Variants in DNAH17 observed in about 807,000 individuals in gnomAD.
The protein encoded by DNAH17 is dynein axonemal heavy chain 17.
A neutral mutation model predicts 485.6 loss-of-function variants in DNAH17; 376 were observed. The observed-to-expected ratio is 0.77, with a 90% CI of 0.71 to 0.84. The LOEUF is 0.84. DNAH17 is among the 40% of genes least tolerant of loss of function. The pLI is 0.00. For synonymous variants in DNAH17, 3,031 were observed against 2,405.9 expected (o/e 1.26, Z -7.60); for missense variants, 6,370 against 5,839.3 (o/e 1.09, Z -2.96).
chr17:78,465,669 A>G (rs2088401000), intron 56 of DNAH17, among the ~76,000 whole-genome samples: 1 of 147,256 alleles, frequency 6.8e-6, no homozygotes. Flanking sequence ...GCCCCGTCTG[A>G]GAAGTGAGGA....
chr17:78,516,415 G>A (rs565806637), intron 25 of DNAH17, among the ~76,000 whole-genome samples: 42 of 152,156 alleles, frequency 2.8e-4, no homozygotes, highest in Non-Finnish European at 5.4e-4. Context: ...GGCCGGGTGC[G>A]GCGGCTCACG....
chr17:78,527,067 TAG>T (rs1353569240), intron 22 of DNAH17, 71 bp from the exon 23 acceptor site: 28 of 1,309,306 alleles, frequency 2.1e-5, no homozygotes, highest in Non-Finnish European at 2.8e-5. Flanking sequence ...GTGAAATAAT[TAG>T]AGACTGGTAA....
chr17:78,449,683 GTT>G (rs1473205298), intron 68 of DNAH17, 99 bp from the exon 69 acceptor site: 1 of 1,290,708 alleles, frequency 7.7e-7, no homozygotes, highest in Non-Finnish European at 1.1e-6. Context: ...CCTCCAGTTT[GTT>G]TTGTTTCTTT....
chr17:78,560,702 A>T (rs1282167334), intron 13 of DNAH17, 38 bp downstream of exon 13: 2 of 1,514,532 alleles, frequency 1.3e-6, no homozygotes, highest in South Asian at 2.5e-5. Flanking sequence ...CCCCGCTCCC[A>T]AGGAGCCTTT....
intron 78 of DNAH17, 133 bp downstream of exon 78, chr17:78,426,793 T>C (rs1212813484): frequency 7.7e-7 from 1 of 1,297,674 alleles, no homozygotes; most frequent in Non-Finnish European, 1.1e-6. Context: ...GTTCTGGAAC[T>C]GCCAGAGCTC....
At chr17:78,540,196 A>C (rs2091483895) in intron 17 of DNAH17, among the ~76,000 whole-genome samples, 2 of 116,834 alleles carry the variant, frequency 1.7e-5, no homozygotes, top group South Asian at 5.9e-4. Context: ...TCAGAGGGCC[A>C]CTCAGAATTA....
At chr17:78,472,582 G>A in intron 54 of DNAH17, 1 of 349,798 alleles carries the variant, frequency 2.9e-6, no homozygotes, top group Non-Finnish European at 5.9e-6. Flanking sequence ...TGGGGTGAAG[G>A]TTTCACAGAA....
At chr17:78,495,230 C>T in intron 38 of DNAH17, 133 bp from the exon 39 acceptor site, 1 of 1,204,280 alleles carries the variant, frequency 8.3e-7, no homozygotes, top group Non-Finnish European at 1.1e-6. Flanking sequence ...AACCTTCGGT[C>T]CTGGAGCCGG....
chr17:78,554,087 G>GC (rs2091967665), intron 14 of DNAH17, among the ~76,000 whole-genome samples: 1 of 152,198 alleles, frequency 6.6e-6, no homozygotes, highest in South Asian at 2.1e-4. Flanking sequence ...GAGTCATGGT[G>GC]CCCAGCCTAA....
chr17:78,479,298 C>T (rs1018336808), intron 50 of DNAH17, among the ~76,000 whole-genome samples, 182 bp from the exon 51 acceptor site: 1 of 152,178 alleles, frequency 6.6e-6, no homozygotes, highest in Non-Finnish European at 1.5e-5. Flanking sequence ...TATAGAATTT[C>T]CTAGCCCCTA....
At chr17:78,456,385 C>T (rs928175080) in intron 62 of DNAH17, among the ~76,000 whole-genome samples, 12 of 152,014 alleles carry the variant, frequency 7.9e-5, no homozygotes, top group Non-Finnish European at 1.6e-4. Context: ...CCCAAGTCAC[C>T]CGCATTGACA....
chr17:78,544,443 T>C (rs1485097155), intron 16 of DNAH17, among the ~76,000 whole-genome samples: 2 of 150,966 alleles, frequency 1.3e-5, no homozygotes, highest in African/African-American at 4.9e-5. Flanking sequence ...CCGACAAGGG[T>C]GGGAAAGGGT....
At chr17:78,430,531 A>ATC (rs1181882688) in intron 75 of DNAH17, among the ~76,000 whole-genome samples, 22 of 152,178 alleles carry the variant, frequency 1.4e-4, no homozygotes, top group Non-Finnish European at 5.9e-5. Context: ...CAGTTGATGA[A>ATC]TCAATCATCT....
chr17:78,533,133 G>A (rs534341277), intron 19 of DNAH17: 50 of 197,510 alleles, frequency 2.5e-4, no homozygotes, highest in African/African-American at 1.2e-3. Context: ...CAAGTGTGAC[G>A]TTTGTCTGGG....
intron 21 of DNAH17, among the ~76,000 whole-genome samples, 193 bp downstream of exon 21, chr17:78,530,150 G>A (rs2091191450): frequency 6.6e-6 from 1 of 152,226 alleles, no homozygotes; most frequent in Non-Finnish European, 1.5e-5. Context: ...TTTGGAGAAG[G>A]GATAATGTTT....
chr17:78,502,311 A>ATT, intron 33 of DNAH17: 9 of 331,358 alleles, frequency 2.7e-5, no homozygotes, highest in South Asian at 1.1e-4. Context: ...AACCAAGGAC[A>ATT]TTTTTTTTTT....
Position 78,458,641 on chromosome 17 carries a change from C to G in DNAH17, c.9901G>C (p.Glu3301Gln), listed in dbSNP as rs747036964. ...TTGATTTTCTCAGCTGTTGCTTTTT[C>G]AAACGCTGAGGTTAGGTTGCTCAGG... ...ANLSNLTSAF[E>Q]KATAEKIKCQ... The change falls in exon 62 of 81, where the codon GAA becomes CAA. Residue 3301 changes from glutamate (E) to glutamine (Q), a missense_variant. Physicochemically the swap from Glu to Gln is conservative, Grantham distance 29. Transcript: ENST00000389840. 4 of 1,613,916 alleles carry G rather than the reference C, an allele frequency of 2.5e-6. No individual in the cohort carries two copies. The Admixed American group carries it at 5.0e-5, about 20-fold the overall frequency.
At chr17:78,428,354 C>T in intron 77 of DNAH17, 171 bp downstream of exon 77, 1 of 777,830 alleles carries the variant, frequency 1.3e-6, no homozygotes, top group Non-Finnish European at 2.1e-6. Flanking sequence ...TGAGGACCTG[C>T]TGACCAGCCT....
In DNAH17 at chr17:78,456,603, G is replaced by A. The variant is rs2087814068; in HGVS notation, c.9978-767C>T. ...ATGGGGACTCCACGATGCGCCTCGTGCTTCTCGGGCCACCATCTTGAGGAC... is the reference window on the plus strand; with the variant it reads ...ATGGGGACTCCACGATGCGCCTCGTACTTCTCGGGCCACCATCTTGAGGAC... On this transcript the variant is annotated intron_variant, in intron 62 of 80. Coordinates refer to ENST00000389840, the MANE Select transcript of DNAH17 (RefSeq NM_173628.4). 2.0e-5 allele frequency among the ~76,000 whole-genome samples: 3 copies of A among 152,218 alleles called. No individual in the cohort carries two copies. The South Asian group carries it at 6.2e-4, about 32-fold the overall frequency.
Sources: allele counts gnomAD v4.1 joint callset (sites outside exome capture counted in the v4.1 genomes callset), GRCh38; gene constraint gnomAD v4.1.1; transcripts MANE v1.5; gene names NCBI Gene and HGNC (gene_info 2026-07-23, HGNC 2026-07-21).